Variants in EFL1 observed in about 807,000 individuals in gnomAD.
EFL1 encodes elongation factor-like GTPase 1.
EFL1 carries 76 observed loss-of-function variants against 126.7 expected under a neutral mutation model. The ratio of observed to expected loss-of-function variants is 0.60; its 90% confidence interval spans 0.50 to 0.73. EFL1 has a LOEUF of 0.73. Ranked by LOEUF, EFL1 falls within the 30% of genes least tolerant of loss-of-function variation. EFL1 has a pLI of 0.00. For missense variants in EFL1, 1,128 were observed against 1,343.2 expected (o/e 0.84, Z 2.50); for synonymous variants, 410 against 448.4 (o/e 0.91, Z 1.08).
Position 82,199,474 on chromosome 15 carries a change from C to T in EFL1, c.1750+15243G>A, listed in dbSNP as rs147795446. ...ATTGGAGACAGCTAGGACTGCGGCC[C>T]GCAAAATAAGACCTTGTATGAAAAT... is the stretch of plus-strand genomic sequence containing the variant. On this transcript the variant is annotated intron_variant, in intron 15 of 19. Coordinates refer to ENST00000268206, the MANE Select transcript of EFL1 (RefSeq NM_024580.6). Among the ~76,000 whole-genome samples, 553 of 152,272 alleles carry T rather than the reference C, an allele frequency of 3.6e-3. 34 individuals carry two copies. The East Asian group carries it at 0.094, about 26-fold the overall frequency.
chr15:82,228,146 C>A, intron 10 of EFL1, 45 bp downstream of exon 10: 2 of 1,551,026 alleles, frequency 1.3e-6, no homozygotes, highest in Admixed American at 2.2e-5. Context: ...TTTTTTCTAG[C>A]TTTATCAAAA....
intron 15 of EFL1, among the ~76,000 whole-genome samples, chr15:82,193,651 T>A (rs1302229070): frequency 1.3e-5 from 2 of 152,256 alleles, no homozygotes. Context: ...GGACAAGGTG[T>A]ATTTTGCAAC....
intron 19 of EFL1, among the ~76,000 whole-genome samples, chr15:82,131,881 G>A (rs898446534): frequency 2.0e-5 from 3 of 151,994 alleles, no homozygotes; most frequent in East Asian, 1.9e-4. Flanking sequence ...AAATTTCCCT[G>A]AATACAGAAT....
At chr15:82,229,960 A>G (rs138173768) in intron 8 of EFL1, among the ~76,000 whole-genome samples, 303 of 152,360 alleles carry the variant, frequency 2.0e-3, no homozygotes, top group African/African-American at 7.0e-3. Flanking sequence ...CATAGAGCCA[A>G]TAAGTGGTGG....
intron 4 of EFL1, among the ~76,000 whole-genome samples, chr15:82,243,853 C>T (rs2074947366): frequency 6.6e-6 from 1 of 152,090 alleles, no homozygotes; most frequent in South Asian, 2.1e-4. Context: ...GCTAGAGATA[C>T]ACCAAGTGTT....
At chr15:82,131,088 C>CAAATA (rs1475080524) in intron 19 of EFL1, among the ~76,000 whole-genome samples, 3 of 152,030 alleles carry the variant, frequency 2.0e-5, no homozygotes, top group Non-Finnish European at 2.9e-5. Flanking sequence ...AAACTTGTAA[C>CAAATA]ATACATTATT....
At position 82,240,697 on chromosome 15, in the gene EFL1, G is replaced by A. The variant is rs777578240; in HGVS notation, c.379-142C>T. On this transcript the variant is annotated intron_variant, in intron 5 of 19. Coordinates refer to ENST00000268206, the MANE Select transcript of EFL1 (RefSeq NM_024580.6). ...GGCATTCACAAACTATGTATACAGC[G>A]GAGTAGCAAAGAACTACACATAAGA... 2.9e-5 allele frequency: 27 copies of A among 925,528 alleles called. No homozygotes were observed. In the East Asian group the frequency reaches 3.2e-4, roughly 11 times the overall value. The allele number at this position is 925,528 out of a possible 1,614,324, so 57.3% of individuals were successfully genotyped here.
intron 15 of EFL1, among the ~76,000 whole-genome samples, chr15:82,178,366 T>C (rs1409161323): frequency 6.6e-6 from 1 of 152,152 alleles, no homozygotes; most frequent in East Asian, 1.9e-4. Context: ...CTAGTGGAAA[T>C]TCCTCATGGG....
intron 15 of EFL1, among the ~76,000 whole-genome samples, chr15:82,183,149 G>A (rs1475026400): frequency 2.0e-5 from 3 of 152,176 alleles, no homozygotes; most frequent in African/African-American, 7.2e-5. Flanking sequence ...TACCACAGAA[G>A]CCCTCTGGCT....
Position 82,151,916 on chromosome 15 carries a change from T to A in EFL1, c.2538A>T (p.Ser846=), listed in dbSNP as rs2073913876. 1.2e-6 allele frequency: 2 copies of A among 1,614,136 alleles called. No homozygotes were observed. The highest frequency in any genetic ancestry group is 1.7e-6 in the Non-Finnish European group (2 of 1,180,024). The change falls in exon 18 of 20, where the codon TCA becomes TCT. Residue 846 remains serine (S), a synonymous_variant. Coordinates refer to ENST00000268206, the MANE Select transcript of EFL1 (RefSeq NM_024580.6). ...LVNKSEDFQN[S]VWTGPADKAS... Reference sequence around the variant, plus strand: ...CTTTGTCAGCTGGACCTGTCCATACTGAGTTCTGAAAATCTTCACTTTTAT... The same window carrying A: ...CTTTGTCAGCTGGACCTGTCCATACAGAGTTCTGAAAATCTTCACTTTTAT...
chr15:82,133,148 C>T (rs1221241886), intron 19 of EFL1, among the ~76,000 whole-genome samples: 2 of 152,156 alleles, frequency 1.3e-5, no homozygotes, highest in Non-Finnish European at 2.9e-5. Flanking sequence ...ATATGTAATA[C>T]ACTTTTATAG....
intron 19 of EFL1, among the ~76,000 whole-genome samples, 199 bp downstream of exon 19, chr15:82,138,459 T>TGTG (rs2073748594): frequency 1.3e-5 from 2 of 151,270 alleles, no homozygotes; most frequent in African/African-American, 2.4e-5. Flanking sequence ...TGTGTGTGTG[T>TGTG]TTATTATAAA....
Position 82,152,090 on chromosome 15 carries a change from A to G in EFL1, c.2364T>C (p.Asn788=), listed in dbSNP as rs1432888449. 2.5e-6 allele frequency: 4 copies of G among 1,614,044 alleles called. No individual in the cohort carries two copies. Among genetic ancestry groups the G allele is most frequent in the Middle Eastern group, 1.6e-4 (1 of 6,062 alleles). ...QLTSSLNEGE[N]THMIHQKTQE... ...GGGTCTTCTGATGAATCATGTGAGT[A>G]TTTTCACCCTCATTCAAAGAGGATG... The change falls in exon 18 of 20, where the codon AAT becomes AAC. Residue 788 remains asparagine (N), a synonymous_variant. Transcript: ENST00000268206.
chr15:82,255,522 C>A (rs926770061), intron 3 of EFL1, among the ~76,000 whole-genome samples: 11 of 152,006 alleles, frequency 7.2e-5, no homozygotes, highest in Non-Finnish European at 1.5e-5. Flanking sequence ...GTTTATTAAC[C>A]TTTTATAAAA....
Position 82,215,315 on chromosome 15 carries a change from A to C in EFL1, c.1612-460T>G, listed in dbSNP as rs953377162. On this transcript the variant is annotated intron_variant, in intron 14 of 19. Coordinates refer to ENST00000268206, the MANE Select transcript of EFL1 (RefSeq NM_024580.6). ...GGTGCTAGTGCCAAGTAACATATAA[A>C]AATAACTTTGGAAGGGTAGTTAGAT... is the stretch of plus-strand genomic sequence containing the variant. Among the ~76,000 whole-genome samples the C allele has an allele frequency of 5.3e-5, 8 of 152,138 alleles. No homozygotes were observed. The East Asian group carries it at 9.6e-4, about 18-fold the overall frequency.
chr15:82,131,843 C>T (rs1045497605), intron 19 of EFL1, among the ~76,000 whole-genome samples: 1 of 151,630 alleles, frequency 6.6e-6, no homozygotes, highest in Admixed American at 6.6e-5. Flanking sequence ...CACCTCAGTA[C>T]ATTATTTTTA....
At chr15:82,160,971 A>T (rs2141239248) in intron 16 of EFL1, among the ~76,000 whole-genome samples, 1 of 152,380 alleles carries the variant, frequency 6.6e-6, no homozygotes, top group South Asian at 2.1e-4. Flanking sequence ...ATTATAATGA[A>T]GAAAATAATA....
chr15:82,145,069 C>T (rs891912997), intron 18 of EFL1, among the ~76,000 whole-genome samples: 2 of 151,408 alleles, frequency 1.3e-5, no homozygotes, highest in African/African-American at 2.4e-5. Context: ...TTTGGGAGGC[C>T]GAGGCGGGTT....
rs1259148685 is a variant in EFL1, at chr15:82,217,606, A to T, written c.1611+2046T>A. Among the ~76,000 whole-genome samples the T allele has an allele frequency of 6.6e-5, 10 of 152,098 alleles. No homozygotes were observed. The East Asian group carries it at 1.9e-3, about 29-fold the overall frequency. On this transcript the variant is annotated intron_variant, in intron 14 of 19. Transcript: ENST00000268206. ...AAAGTTTCAAAAGCATGCAAATGTGACAATATTCTTTAGAAATACGTACAC... is the reference window on the plus strand; with the variant it reads ...AAAGTTTCAAAAGCATGCAAATGTGTCAATATTCTTTAGAAATACGTACAC...
Sources: gnomAD v4.1 joint callset for allele counts (sites outside exome capture counted in the v4.1 genomes callset) on GRCh38, gnomAD v4.1.1 for gene constraint, MANE v1.5 for transcripts, NCBI Gene and HGNC (gene_info 2026-07-23, HGNC 2026-07-21) for gene names.